The following BBX variants were observed in gnomAD, a reference collection of about 807,000 sequenced individuals.
BBX encodes the protein HMG box transcription factor BBX.
Under a neutral mutation model 100.2 loss-of-function variants are expected in BBX, and 30 were observed. That is an observed-to-expected ratio of 0.30 (90% CI 0.22 to 0.41). The LOEUF is 0.41. BBX is among the 10% of genes least tolerant of loss of function. BBX has a pLI of 1.00. For missense variants in BBX, 1,023 were observed against 1,129.8 expected (o/e 0.91, Z 1.35); for synonymous variants, 376 against 388.1 (o/e 0.97, Z 0.37).
At chr3:107,785,207 T>C (rs565003511) in intron 13 of BBX, among the ~76,000 whole-genome samples, 2 of 147,830 alleles carry the variant, frequency 1.4e-5, no homozygotes, top group East Asian at 3.9e-4. Context: ...CAGGCCCAGA[T>C]GGCATCACCA....
chr3:107,688,062 A>AG (rs2059949328), intron 3 of BBX, among the ~76,000 whole-genome samples: 1 of 152,226 alleles, frequency 6.6e-6, no homozygotes, highest in African/African-American at 2.4e-5. Context: ...TGAAAAAAAA[A>AG]GAAGAAAAAT....
chr3:107,714,722 TTCTGTAC>T (rs1479955379), intron 4 of BBX, among the ~76,000 whole-genome samples: 1 of 152,220 alleles, frequency 6.6e-6, no homozygotes, highest in Non-Finnish European at 1.5e-5. Context: ...TCAAGATTTT[TTCTGTAC>T]TCTTTGTGTT....
intron 3 of BBX, among the ~76,000 whole-genome samples, chr3:107,678,613 A>G (rs1576301676): frequency 1.3e-5 from 2 of 151,976 alleles, no homozygotes; most frequent in Admixed American, 6.6e-5. Flanking sequence ...AGTCTCAGCT[A>G]CTCTAGAGAC....
chr3:107,660,221 A>G (rs1275361904), intron 3 of BBX, among the ~76,000 whole-genome samples: 1 of 152,166 alleles, frequency 6.6e-6, no homozygotes, highest in Non-Finnish European at 1.5e-5. Flanking sequence ...AGTTAAATTT[A>G]TAAGGTTTTT....
intron 2 of BBX, among the ~76,000 whole-genome samples, chr3:107,576,400 T>G (rs184213737): frequency 1.3e-5 from 2 of 152,376 alleles, no homozygotes; most frequent in East Asian, 3.9e-4. Flanking sequence ...TAACTGGCTT[T>G]TTTTTCTTTT....
chr3:107,587,893 C>T (rs1297966053), intron 2 of BBX, among the ~76,000 whole-genome samples: 2 of 152,146 alleles, frequency 1.3e-5, no homozygotes, highest in Non-Finnish European at 2.9e-5. Context: ...CACTGAAGTA[C>T]CTATTATGTG....
chr3:107,652,407 A>AG (rs1364456697), intron 3 of BBX, among the ~76,000 whole-genome samples: 1 of 119,480 alleles, frequency 8.4e-6, no homozygotes, highest in Non-Finnish European at 1.8e-5. Context: ...TATAGACTAA[A>AG]GGATATGCTA....
intron 2 of BBX, among the ~76,000 whole-genome samples, chr3:107,540,049 T>C (rs2048759753): frequency 6.6e-6 from 1 of 152,186 alleles, no homozygotes; most frequent in African/African-American, 2.4e-5. Context: ...CAATTTTTGT[T>C]CACTGTTTTA....
At chr3:107,619,685 T>C (rs1182884544) in intron 2 of BBX, among the ~76,000 whole-genome samples, 1 of 152,120 alleles carries the variant, frequency 6.6e-6, no homozygotes, top group African/African-American at 2.4e-5. Context: ...TTTATTCCCT[T>C]TCCATTGCTG....
At chr3:107,538,366 T>A (rs977860147) in intron 2 of BBX, among the ~76,000 whole-genome samples, 2 of 152,218 alleles carry the variant, frequency 1.3e-5, no homozygotes, top group Non-Finnish European at 2.9e-5. Context: ...ATTTACTGCA[T>A]AAGGAACTGT....
chr3:107,778,994 C>CATATATATATATATATATATATATAT (rs1286419462), intron 13 of BBX, among the ~76,000 whole-genome samples: 13 of 68,168 alleles, frequency 1.9e-4, no homozygotes, highest in African/African-American at 4.8e-4. Context: ...CCTCCAGCAA[C>CATATATATATATATATATATATATAT]ATATATATAT....
Position 107,546,730 on chromosome 3 carries a change from G to A in BBX, c.-84+20332G>A, listed in dbSNP as rs537990580. On this transcript the variant is annotated intron_variant, in intron 2 of 17. Transcript: ENST00000325805. Reference sequence around the variant, plus strand: ...TAAATGCCTTTTTGATTTAAAGTGTGTGAATTAGATATTTGATCATGATTT... The same window carrying A: ...TAAATGCCTTTTTGATTTAAAGTGTATGAATTAGATATTTGATCATGATTT... Among the ~76,000 whole-genome samples the A allele has an allele frequency of 7.2e-5, 11 of 152,264 alleles. No individual in the cohort carries two copies. In the East Asian group the frequency reaches 1.7e-3, roughly 24 times the overall value.
Position 107,784,471 on chromosome 3 carries a change from T to C in BBX, c.2204-5316T>C, listed in dbSNP as rs531340295. On this transcript the variant is annotated intron_variant, in intron 13 of 17. Transcript: ENST00000325805. ...TACAGAGTGTGTTCTCTGACCATAG[T>C]ACAATGAAATTTAAAAATCAGTAGT... 2.6e-5 allele frequency among the ~76,000 whole-genome samples: 4 copies of C among 152,082 alleles called. No homozygotes were observed. In the South Asian group the frequency reaches 6.2e-4, roughly 24 times the overall value.
At chr3:107,645,999 A>G (rs897672389) in intron 3 of BBX, 90 bp downstream of exon 3, 3 of 152,640 alleles carry the variant, frequency 2.0e-5, no homozygotes, top group Non-Finnish European at 2.9e-5. Context: ...TGGTCTCAGC[A>G]TGATCAAGGA....
Position 107,797,337 on chromosome 3 carries a change from AATATATATATAT to A in BBX, c.2354-1170_2354-1159del, listed in dbSNP as rs369837058. 4.4e-3 allele frequency among the ~76,000 whole-genome samples: 174 copies of A among 39,346 alleles called. 21 individuals carry two copies. In the East Asian group the frequency reaches 0.19, roughly 43 times the overall value. 25.8% of individuals were successfully genotyped at this position (39,346 alleles called of 152,430 possible). ...TCCTCTTAGTTTAGCTTTTCTTCCA[AATATATATATAT>A]ATATATATATATATAGCTTTATTGC... On this transcript the variant is annotated intron_variant, in intron 15 of 17. Coordinates refer to ENST00000325805, the MANE Select transcript of BBX (RefSeq NM_001142568.3).
intron 2 of BBX, among the ~76,000 whole-genome samples, chr3:107,628,395 AC>A (rs749399283): frequency 1.5e-4 from 23 of 152,032 alleles, no homozygotes; most frequent in Admixed American, 2.6e-4. Context: ...TGAAAAAAAA[AC>A]ATATTACCCA....
intron 2 of BBX, among the ~76,000 whole-genome samples, chr3:107,553,230 T>G (rs1009506850): frequency 4.6e-5 from 7 of 152,252 alleles, no homozygotes; most frequent in African/African-American, 1.7e-4. Flanking sequence ...TGGAACATTA[T>G]GTATCAGACA....
chr3:107,809,840 G>A lies in BBX; in HGVS notation c.*4383G>A, dbSNP rs2071220814. The A allele has an allele frequency of 6.6e-6, 1 of 152,162 alleles. No individual in the cohort carries two copies. The allele number at this position is 152,162 out of a possible 1,614,324, so 9.4% of individuals were successfully genotyped here. Reference sequence around the variant, plus strand: ...TTAGATGTTGCTTTTGTTTATACAAGCATTCCCAAAGAACTAGATTTGGAT... The same window carrying A: ...TTAGATGTTGCTTTTGTTTATACAAACATTCCCAAAGAACTAGATTTGGAT... On this transcript the variant is annotated 3_prime_UTR_variant, in exon 18 of 18. Coordinates refer to ENST00000325805, the MANE Select transcript of BBX (RefSeq NM_001142568.3).
At chr3:107,684,963 G>A (rs1232806071) in intron 3 of BBX, among the ~76,000 whole-genome samples, 1 of 152,104 alleles carries the variant, frequency 6.6e-6, no homozygotes, top group East Asian at 1.9e-4. Context: ...ATGGACAACT[G>A]AATTACATAT....
Sources: gnomAD v4.1 joint callset for allele counts (sites outside exome capture counted in the v4.1 genomes callset) on GRCh38, gnomAD v4.1.1 for gene constraint, MANE v1.5 for transcripts, NCBI Gene and HGNC (gene_info 2026-07-23, HGNC 2026-07-21) for gene names.